CENPP: variants seen among roughly 807,000 people sequenced by gnomAD.
The protein encoded by CENPP is centromere protein P.
CENPP carries 24 observed loss-of-function variants against 35.6 expected under a neutral mutation model. That is an observed-to-expected ratio of 0.67 (90% CI 0.49 to 0.95). The LOEUF is 0.95. Ranked by LOEUF, CENPP falls within the 40% of genes least tolerant of loss-of-function variation. The pLI, the probability that CENPP is intolerant of heterozygous loss-of-function variation, is 0.00. For missense variants in CENPP, 332 were observed against 345.3 expected (o/e 0.96, Z 0.31); for synonymous variants, 120 against 125.5 (o/e 0.96, Z 0.29).
intron 5 of CENPP, among the ~76,000 whole-genome samples, chr9:92,582,564 A>G (rs995770653): frequency 2.6e-5 from 4 of 152,176 alleles, no homozygotes; most frequent in Middle Eastern, 3.4e-3. Flanking sequence ...TAAAGAAAAA[A>G]TAATGTGGAG....
rs996696364 is a variant in CENPP, at chr9:92,502,721, A to G, written c.565-108593A>G. 17 of 1,285,910 alleles carry G rather than the reference A, an allele frequency of 1.3e-5. No individual in the cohort carries two copies. In the South Asian group the frequency reaches 1.9e-4, roughly 14 times the overall value. 79.7% of individuals were successfully genotyped at this position (1,285,910 alleles called of 1,614,324 possible). Reference sequence around the variant, plus strand: ...TGATACGTTCAATTTCATGGAGACTAAAATAGTGACATAGACTATTATCAT... The same window carrying G: ...TGATACGTTCAATTTCATGGAGACTGAAATAGTGACATAGACTATTATCAT... On this transcript the variant is annotated intron_variant, in intron 5 of 7. Coordinates refer to ENST00000375587, the MANE Select transcript of CENPP (RefSeq NM_001012267.3).
At chr9:92,527,380 T>C (rs369191005) in intron 5 of CENPP, among the ~76,000 whole-genome samples, 18 of 152,340 alleles carry the variant, frequency 1.2e-4, no homozygotes, top group African/African-American at 4.1e-4. Context: ...AGTCATGGGC[T>C]GTACAGGTTT....
chr9:92,504,530 A>G (rs3780347), intron 5 of CENPP, among the ~76,000 whole-genome samples: 61,760 of 151,872 alleles, frequency 0.41, 14,708 homozygotes, highest in African/African-American at 0.66. Flanking sequence ...TCTTTTTGGC[A>G]GGCAGGGTGG....
chr9:92,412,954 G>A (rs1301759839), intron 5 of CENPP, among the ~76,000 whole-genome samples: 3 of 146,076 alleles, frequency 2.1e-5, no homozygotes, highest in Admixed American at 6.8e-5. Context: ...GAATGGAATC[G>A]CTGGGTTATA....
At chr9:92,346,441 T>C (rs1054199740) in intron 4 of CENPP, among the ~76,000 whole-genome samples, 1 of 152,142 alleles carries the variant, frequency 6.6e-6, no homozygotes, top group East Asian at 1.9e-4. Flanking sequence ...CTGTGAGCAA[T>C]TGACACAGGG....
At chr9:92,565,475 C>G (rs1849947282) in intron 5 of CENPP, among the ~76,000 whole-genome samples, 1 of 152,130 alleles carries the variant, frequency 6.6e-6, no homozygotes, top group Non-Finnish European at 1.5e-5. Flanking sequence ...TCAATTTCAG[C>G]TCTTAACAAA....
At chr9:92,592,342 G>A (rs115328236) in intron 5 of CENPP, among the ~76,000 whole-genome samples, 265 of 152,250 alleles carry the variant, frequency 1.7e-3, no homozygotes, top group African/African-American at 6.1e-3. Context: ...CCTGACAGCA[G>A]GGATCCACTA....
intron 3 of CENPP, among the ~76,000 whole-genome samples, chr9:92,344,539 TTTA>T (rs1305181967): frequency 1.3e-5 from 2 of 151,950 alleles, no homozygotes; most frequent in African/African-American, 4.8e-5. Context: ...ATTATTTATT[TTTA>T]TTATTATTAT....
Position 92,599,856 on chromosome 9 carries a change from C to G in CENPP, c.565-11458C>G, listed in dbSNP as rs942266316. On this transcript the variant is annotated intron_variant, in intron 5 of 7. Transcript: ENST00000375587. ...ATGGTCAGATTACTTTCCCCCTAGG[C>G]TGTGGCCTCCTCCAGCCTCTCTTTT... Among the ~76,000 whole-genome samples, 9 of 152,202 alleles carry G rather than the reference C, an allele frequency of 5.9e-5. 1 individual carries two copies. Among genetic ancestry groups the G allele is most frequent in the Admixed American group, 4.6e-4 (7 of 15,290 alleles).
chr9:92,594,782 C>T (rs574149625), intron 5 of CENPP, among the ~76,000 whole-genome samples: 9 of 152,062 alleles, frequency 5.9e-5, no homozygotes, highest in Admixed American at 4.6e-4. Flanking sequence ...TAGCAAGACC[C>T]CATCTCTACA....
intron 3 of CENPP, among the ~76,000 whole-genome samples, chr9:92,342,250 A>C (rs1229269346): frequency 6.6e-6 from 1 of 152,256 alleles, no homozygotes; most frequent in Admixed American, 6.5e-5. Flanking sequence ...CTGGGAATTT[A>C]GTCTTTGTTA....
At chr9:92,600,355 T>G in intron 5 of CENPP, 9 of 1,549,432 alleles carry the variant, frequency 5.8e-6, no homozygotes, top group Non-Finnish European at 7.8e-6. Context: ...GCTCTTCGTT[T>G]TAAAAATGCC....
intron 5 of CENPP, among the ~76,000 whole-genome samples, chr9:92,444,380 T>C (rs72752493): frequency 0.031 from 4,708 of 152,260 alleles, 113 homozygotes; most frequent in South Asian, 0.084. Flanking sequence ...GTAGGAATTT[T>C]ATTCTAGATA....
At chr9:92,555,001 T>TG (rs879317497) in intron 5 of CENPP, among the ~76,000 whole-genome samples, 8 of 145,056 alleles carry the variant, frequency 5.5e-5, no homozygotes, top group Non-Finnish European at 1.2e-4. Flanking sequence ...CGGTCTGTAT[T>TG]GTTTGTTGTT....
At chr9:92,352,493 G>GTATACA in intron 4 of CENPP, among the ~76,000 whole-genome samples, 4 of 88,780 alleles carry the variant, frequency 4.5e-5, no homozygotes, top group African/African-American at 1.5e-4. Context: ...GTGTGTGTGT[G>GTATACA]TGTGTGTGTG....
intron 2 of CENPP, among the ~76,000 whole-genome samples, chr9:92,336,011 A>G (rs1840914558): frequency 6.6e-6 from 1 of 152,206 alleles, no homozygotes; most frequent in Non-Finnish European, 1.5e-5. Flanking sequence ...TTCCATAGCT[A>G]TTTGTTTAAA....
chr9:92,335,559 G>A (rs1057344624), intron 2 of CENPP, among the ~76,000 whole-genome samples: 6 of 151,708 alleles, frequency 4.0e-5, no homozygotes, highest in Non-Finnish European at 5.9e-5. Context: ...TTTTGTGAAA[G>A]GTATAGTCAG....
chr9:92,415,279 A>G (rs1843556818), intron 5 of CENPP: 1 of 1,613,810 alleles, frequency 6.2e-7, no homozygotes, highest in East Asian at 2.2e-5. Flanking sequence ...AAATCTCCTG[A>G]AAACTTGTGT....
chr9:92,560,436 A>T (rs1375059694), intron 5 of CENPP, among the ~76,000 whole-genome samples: 1 of 152,176 alleles, frequency 6.6e-6, no homozygotes, highest in Non-Finnish European at 1.5e-5. Context: ...ACATGACCCA[A>T]AGCTGATTGC....
Sources: allele counts gnomAD v4.1 joint callset (sites outside exome capture counted in the v4.1 genomes callset), GRCh38; gene constraint gnomAD v4.1.1; transcripts MANE v1.5; gene names NCBI Gene and HGNC (gene_info 2026-07-23, HGNC 2026-07-21).